The following ABCA4 variants were observed in gnomAD, a reference collection of about 807,000 sequenced individuals.
ABCA4 encodes ATP binding cassette subfamily A member 4.
A neutral mutation model predicts 263.7 loss-of-function variants in ABCA4; 196 were observed. The observed-to-expected ratio is 0.74, with a 90% CI of 0.66 to 0.84. The LOEUF (loss-of-function observed/expected upper bound fraction) is 0.84. Ranked by LOEUF, ABCA4 falls within the 40% of genes least tolerant of loss-of-function variation. The pLI is 0.00. For synonymous variants in ABCA4, 1,133 were observed against 1,094.2 expected, an observed-to-expected ratio of 1.04 and a Z score of -0.70; for missense variants, 2,792 against 2,855.1, an observed-to-expected ratio of 0.98 and a Z score of 0.50.
In ABCA4 at chr1:94,089,543, C is replaced by A. The variant is rs369491720; in HGVS notation, c.769-6102G>T. Among the ~76,000 whole-genome samples the A allele has an allele frequency of 5.9e-5, 9 of 151,654 alleles. No individual in the cohort carries two copies. The South Asian group carries it at 8.3e-4, about 14-fold the overall frequency. ...AGTGCAGTGGCACGATCTCTGCTCA[C>A]TGCTCCGCCTCCCGGGTTCAAGTGA... On this transcript the variant is annotated intron_variant, in intron 6 of 49. Transcript: ENST00000370225.
Position 93,997,850 on chromosome 1 carries a change from G to C in ABCA4, c.6729+11C>G. ...CTTTGCTCAGCTCTCGGTGCCCCAGGGCCAACTTGCCTGGTCCAGTGTGGT... is the reference window on the plus strand; with the variant it reads ...CTTTGCTCAGCTCTCGGTGCCCCAGCGCCAACTTGCCTGGTCCAGTGTGGT... On this transcript the variant is annotated intron_variant, in intron 48 of 49. Coordinates refer to ENST00000370225, the MANE Select transcript of ABCA4 (RefSeq NM_000350.3). 6.2e-7 allele frequency: 1 copy of C among 1,613,846 alleles called. No homozygotes were observed. Among genetic ancestry groups the C allele is most frequent in the African/African-American group, 1.3e-5 (1 of 75,026 alleles).
rs879621152 is a variant in ABCA4, at chr1:94,019,855, C to T, written c.5019-96G>A. 5.8e-6 allele frequency: 8 copies of T among 1,384,290 alleles called. No individual in the cohort carries two copies. In the Admixed American group the frequency reaches 5.9e-5, roughly 10 times the overall value. 85.8% of individuals were successfully genotyped at this position (1,384,290 alleles called of 1,614,324 possible). A position where few individuals can be genotyped will look rare whatever the true frequency, so the allele number is the denominator to read the frequency against. ...GTCAGGCTTTGGGAAGGCCTTACAC[C>T]CGCCCAGGTGTGGCCTCCAGGTTCC... is the stretch of plus-strand genomic sequence containing the variant. On this transcript the variant is annotated intron_variant, in intron 35 of 49. Transcript: ENST00000370225.
At chr1:94,007,848 G>T in intron 42 of ABCA4, 108 bp from the exon 43 acceptor site, 1 of 1,044,938 alleles carries the variant, frequency 9.6e-7, no homozygotes, top group Non-Finnish European at 1.5e-6. Flanking sequence ...TTAGACCTGG[G>T]CTGCCATCAG....
intron 11 of ABCA4, among the ~76,000 whole-genome samples, chr1:94,064,615 T>G (rs1388165300): frequency 6.6e-6 from 1 of 152,110 alleles, no homozygotes; most frequent in East Asian, 1.9e-4. Flanking sequence ...CCCAAGCAAT[T>G]AAATCAGAAT....
intron 47 of ABCA4, among the ~76,000 whole-genome samples, chr1:93,999,228 T>G (rs749806712): frequency 3.9e-5 from 6 of 152,042 alleles, no homozygotes; most frequent in African/African-American, 1.2e-4. Context: ...GTATTTTTAG[T>G]AGAGACAGGG....
intron 11 of ABCA4, among the ~76,000 whole-genome samples, chr1:94,075,672 G>A (rs554284191): frequency 1.3e-3 from 195 of 152,326 alleles, no homozygotes; most frequent in African/African-American, 4.5e-3. Context: ...GAGGGCCCTC[G>A]AGTTTATTCC....
At position 94,044,744 on chromosome 1, in the gene ABCA4, C is replaced by T; in HGVS notation, c.2919G>A (p.Leu973=). 4.3e-6 allele frequency: 7 copies of T among 1,614,210 alleles called. No homozygotes were observed. Among genetic ancestry groups the T allele is most frequent in the Non-Finnish European group, 5.9e-6 (7 of 1,180,032 alleles). The change falls in exon 20 of 50, where the codon TTG becomes TTA. Residue 973 remains leucine (L), a splice_region_variant and synonymous_variant. Transcript: ENST00000370225. ...GTGGCAACAGACCCGTCAGGATGGACCTGCAGAACACAGGCGTCAGTGGCA... is the reference window on the plus strand; with the variant it reads ...GTGGCAACAGACCCGTCAGGATGGATCTGCAGAACACAGGCGTCAGTGGCA... ...GHNGAGKTTT[L]SILTGLLPPT...
At chr1:94,052,523 C>A (rs200899131) in intron 16 of ABCA4, among the ~76,000 whole-genome samples, 2 of 152,188 alleles carry the variant, frequency 1.3e-5, no homozygotes, top group East Asian at 3.8e-4. Flanking sequence ...TGCACAGGTG[C>A]TGCTCAGTAA....
intron 17 of ABCA4, among the ~76,000 whole-genome samples, chr1:94,051,391 T>C (rs552717847): frequency 6.6e-6 from 1 of 152,274 alleles, no homozygotes; most frequent in South Asian, 2.1e-4. Flanking sequence ...CTGGACAAGG[T>C]GTACAGGACC....
intron 6 of ABCA4, among the ~76,000 whole-genome samples, chr1:94,091,203 T>C (rs1661957359): frequency 6.6e-6 from 1 of 152,188 alleles, no homozygotes; most frequent in Non-Finnish European, 1.5e-5. Flanking sequence ...TTAATAATAT[T>C]CCTTCACCAA....
chr1:94,073,648 A>C (rs1661464853), intron 11 of ABCA4, among the ~76,000 whole-genome samples: 1 of 152,170 alleles, frequency 6.6e-6, no homozygotes, highest in Non-Finnish European at 1.5e-5. Flanking sequence ...TAGGAATTTG[A>C]ACCCAGGCAG....
intron 6 of ABCA4, among the ~76,000 whole-genome samples, chr1:94,093,131 C>T (rs1288396953): frequency 1.3e-5 from 2 of 152,016 alleles, no homozygotes; most frequent in Admixed American, 1.3e-4. Flanking sequence ...TGCTCAGGGG[C>T]AGGGAGGATG....
chr1:94,016,348 C>T (rs915200), intron 36 of ABCA4, among the ~76,000 whole-genome samples: 20,496 of 152,140 alleles, frequency 0.13, 1,761 homozygotes, highest in African/African-American at 0.25. Context: ...GAACCAGAGA[C>T]GGGCTTCCTC....
At chr1:94,045,929 C>A (rs1660659828) in intron 19 of ABCA4, 1 of 456,180 alleles carries the variant, frequency 2.2e-6, no homozygotes, top group African/African-American at 2.0e-5. Context: ...GCAGATGGCG[C>A]TCGGGTCCCT....
rs61753040 is a variant in ABCA4 at position 94,001,950 on chromosome 1, C to T, written c.6190G>A (p.Ala2064Thr). The T allele has an allele frequency of 9.3e-6, 15 of 1,614,038 alleles. No individual in the cohort carries two copies. In the East Asian group the frequency reaches 1.6e-4, roughly 17 times the overall value. Residue 2064 changes from alanine (A) to threonine (T), a missense_variant, in exon 45 of 50, where the codon GCC becomes ACC. Coordinates refer to ENST00000370225, the MANE Select transcript of ABCA4 (RefSeq NM_000350.3). ...SIKSLGLTVY[A>T]DCLAGTYSGG... ...CTGTACGTGCCAGCCAGGCAGTCGG[C>T]GTAGACAGTCAGGCCCAGGCTCTTA...
At chr1:94,042,039 C>T (rs1660501402) in intron 22 of ABCA4, among the ~76,000 whole-genome samples, 1 of 135,826 alleles carries the variant, frequency 7.4e-6, no homozygotes, top group Non-Finnish European at 1.5e-5. Flanking sequence ...GCGGAGCTTG[C>T]AGTGAGTGGA....
intron 15 of ABCA4, 149 bp downstream of exon 15, chr1:94,056,452 C>T: frequency 1.2e-6 from 1 of 834,250 alleles, no homozygotes; most frequent in Non-Finnish European, 2.0e-6. Flanking sequence ...CCCACTTTTG[C>T]CCCTGTACAT....
chr1:94,093,401 T>G (rs1662029204), intron 6 of ABCA4, among the ~76,000 whole-genome samples: 1 of 152,150 alleles, frequency 6.6e-6, no homozygotes, highest in Non-Finnish European at 1.5e-5. Context: ...ATAAGAAAGG[T>G]TAAGAGCTAC....
Position 94,056,639 on chromosome 1 carries a change from A to C in ABCA4, c.2344T>G (p.Trp782Gly), listed in dbSNP as rs768852382. Residue 782 changes from tryptophan to glycine, a missense_variant, in exon 15 of 50, where the codon TGG becomes GGG. By Grantham distance (184) the Trp-to-Gly change is radical. Transcript: ENST00000370225. ...AGCTCAGCGGTCATGCGGTCCTGCC[A>C]GGCGAAGCACAGGATGTGTGGCAGG... ...LYLPHILCFAWQDRMTAELKK... is the reference protein window; with the variant it reads ...LYLPHILCFAGQDRMTAELKK... The C allele has an allele frequency of 1.9e-6, 3 of 1,613,682 alleles. No homozygotes were observed. The highest frequency in any genetic ancestry group is 2.5e-6 in the Non-Finnish European group (3 of 1,180,054).
Sources: gnomAD v4.1 joint callset for allele counts (sites outside exome capture counted in the v4.1 genomes callset) on GRCh38, gnomAD v4.1.1 for gene constraint, MANE v1.5 for transcripts, NCBI Gene and HGNC (gene_info 2026-07-23, HGNC 2026-07-21) for gene names.